Variants in TADA2A observed in about 807,000 individuals in gnomAD.
The protein encoded by TADA2A is transcriptional adaptor 2A, also known as transcriptional adapter 2-alpha.
In TADA2A, 38 loss-of-function variants were observed where a neutral mutation model predicts 67.4. That is an observed-to-expected ratio of 0.56 (90% CI 0.44 to 0.74). TADA2A has a LOEUF of 0.74. Among genes scored for constraint, TADA2A ranks in the 30% least tolerant of loss-of-function variants. The pLI is 0.00. For synonymous variants in TADA2A, 192 were observed against 181.6 expected (o/e 1.06, Z -0.46); for missense variants, 454 against 547.0 (o/e 0.83, Z 1.70).
chr17:37,440,441 T>G, intron 5 of TADA2A, 64 bp from the exon 6 acceptor site: 2 of 1,558,800 alleles, frequency 1.3e-6, no homozygotes, highest in South Asian at 1.2e-5. Flanking sequence ...AAAGAGCAAA[T>G]GATGCTTTTA....
chr17:37,411,580 A>G (rs1346313340), intron 2 of TADA2A, among the ~76,000 whole-genome samples, 190 bp downstream of exon 2: 2 of 151,836 alleles, frequency 1.3e-5, no homozygotes, highest in Non-Finnish European at 2.9e-5. Flanking sequence ...GCACCACCAC[A>G]CACAGCTAAT....
At position 37,467,532 on chromosome 17, in the gene TADA2A, A is replaced by G. The variant is rs374622419; in HGVS notation, c.895+7A>G. ...GGCATTACCAATTTTTGTAGTAAGT[A>G]TGCTTCAGCTACATACCGTACTTGA... On this transcript the variant is annotated splice_region_variant and intron_variant, in intron 12 of 15. Coordinates refer to ENST00000615182, the MANE Select transcript of TADA2A (RefSeq NM_001166105.3). 4.3e-6 allele frequency: 7 copies of G among 1,610,754 alleles called. No individual in the cohort carries two copies. The South Asian group carries it at 6.6e-5, about 15-fold the overall frequency.
intron 12 of TADA2A, among the ~76,000 whole-genome samples, chr17:37,469,722 C>G (rs530775419): frequency 2.0e-5 from 3 of 152,240 alleles, no homozygotes; most frequent in Admixed American, 6.5e-5. Flanking sequence ...TCTGGCAGTG[C>G]CCTTTCTCTT....
intron 2 of TADA2A, among the ~76,000 whole-genome samples, chr17:37,417,566 G>A (rs751876393): frequency 1.3e-5 from 2 of 151,574 alleles, no homozygotes; most frequent in Non-Finnish European, 2.9e-5. Flanking sequence ...ACATAGTCTC[G>A]CTCTGTTGCC....
chr17:37,421,398 G>A (rs2052227816), intron 2 of TADA2A, among the ~76,000 whole-genome samples: 1 of 140,564 alleles, frequency 7.1e-6, no homozygotes, highest in Admixed American at 7.1e-5. Flanking sequence ...GTCTCAAGAA[G>A]ACCCTGTCTC....
rs902386594 is a variant in TADA2A at position 37,421,870 on chromosome 17, G to GT, written c.26-1632dup. 2.8e-5 allele frequency among the ~76,000 whole-genome samples: 4 copies of GT among 145,406 alleles called. 1 individual carries two copies. The highest frequency in any genetic ancestry group is 1.0e-4 in the African/African-American group (4 of 39,520). On this transcript the variant is annotated intron_variant, in intron 2 of 15. Coordinates refer to ENST00000615182, the MANE Select transcript of TADA2A (RefSeq NM_001166105.3). ...AAGAACAGTACAATGATGATGATGT[G>GT]TTTTTTTATTTTTTTATTTTTTTTT...
chr17:37,445,780 G>A (rs1307596880), intron 8 of TADA2A, among the ~76,000 whole-genome samples: 2 of 151,240 alleles, frequency 1.3e-5, no homozygotes, highest in Non-Finnish European at 1.5e-5. Context: ...TTTTAGTTCA[G>A]AATTGAATAT....
rs529460969 is a variant in TADA2A, at chr17:37,416,777, A to G, written c.25+5387A>G. Among the ~76,000 whole-genome samples the G allele has an allele frequency of 2.0e-5, 3 of 151,866 alleles. No homozygotes were observed. The South Asian group carries it at 6.2e-4, about 32-fold the overall frequency. ...CTACTTGAGAGGCTGAGGCAGGAGA[A>G]TCACTTGAACCTGGGAGGCAGAAGT... On this transcript the variant is annotated intron_variant, in intron 2 of 15. Transcript: ENST00000615182.
At chr17:37,467,593 T>G in intron 12 of TADA2A, 68 bp downstream of exon 12, 5 of 1,299,810 alleles carry the variant, frequency 3.8e-6, no homozygotes, top group African/African-American at 1.5e-5. Flanking sequence ...AGGAAGTCTC[T>G]GAATTGTTGT....
At chr17:37,458,639 G>C (rs748505179) in intron 9 of TADA2A, 52 bp downstream of exon 9, 1 of 187,412 alleles carries the variant, frequency 5.3e-6, no homozygotes, top group Non-Finnish European at 7.0e-6. Context: ...TTATTGTTTT[G>C]TGTGTGTGTG....
At chr17:37,461,092 A>G (rs894559965) in intron 9 of TADA2A, among the ~76,000 whole-genome samples, 3 of 152,164 alleles carry the variant, frequency 2.0e-5, no homozygotes, top group African/African-American at 4.8e-5. Context: ...CTGTTTTTCC[A>G]TGGATGGCTG....
At chr17:37,435,391 C>T (rs57763345) in intron 4 of TADA2A, among the ~76,000 whole-genome samples, 30,996 of 152,030 alleles carry the variant, frequency 0.2, 3,552 homozygotes, top group East Asian at 0.54. Flanking sequence ...CGGGTTCACG[C>T]CATTCTCCTG....
At position 37,419,176 on chromosome 17, in the gene TADA2A, T is replaced by C. The variant is rs1257108394; in HGVS notation, c.26-4333T>C. 2.1e-5 allele frequency among the ~76,000 whole-genome samples: 3 copies of C among 146,212 alleles called. 1 individual carries two copies. In the Admixed American group the frequency reaches 2.1e-4, roughly 10 times the overall value. ...CTTACTTTTACAAAGTAATTGCTTT[T>C]TTTTTTCTTTTTGAGAGAGGGTCTT... On this transcript the variant is annotated intron_variant, in intron 2 of 15. Transcript: ENST00000615182.
chr17:37,423,296 T>A (rs1046836522), intron 2 of TADA2A, among the ~76,000 whole-genome samples: 10 of 152,304 alleles, frequency 6.6e-5, no homozygotes, highest in Middle Eastern at 6.8e-3. Context: ...GGTTCATATC[T>A]ACGTAAATGC....
chr17:37,439,223 T>A (rs1356336390), intron 5 of TADA2A, among the ~76,000 whole-genome samples: 1 of 151,984 alleles, frequency 6.6e-6, no homozygotes, highest in East Asian at 1.9e-4. Context: ...CTCCTCAGAC[T>A]CCCAAGTAGT....
intron 4 of TADA2A, 46 bp from the exon 5 acceptor site, chr17:37,437,692 A>T: frequency 1.9e-6 from 3 of 1,576,430 alleles, no homozygotes; most frequent in Non-Finnish European, 2.6e-6. Flanking sequence ...TGGCCCCTAG[A>T]TTCCATTTGT....
At chr17:37,427,137 T>A in intron 4 of TADA2A, 128 bp downstream of exon 4, 1 of 670,442 alleles carries the variant, frequency 1.5e-6, no homozygotes, top group Non-Finnish European at 2.3e-6. Flanking sequence ...AATCTCTGAG[T>A]ATCTTTACCT....
rs951416444 is a variant in TADA2A at position 37,479,482 on chromosome 17, G to T, written c.*2500G>T. The stretch of plus-strand genomic sequence containing the variant: ...TTATTTCTTTGGTATACCGAACTTT[G>T]CAAAGATACGTAGCATTGCATCCTT... On this transcript the variant is annotated 3_prime_UTR_variant, in exon 16 of 16. Coordinates refer to ENST00000615182, the MANE Select transcript of TADA2A (RefSeq NM_001166105.3). 17 of 152,136 alleles carry T rather than the reference G, an allele frequency of 1.1e-4. No individual in the cohort carries two copies. The highest frequency in any genetic ancestry group is 4.1e-4 in the African/African-American group (17 of 41,428). 9.4% of individuals were successfully genotyped at this position (152,136 alleles called of 1,614,324 possible).
intron 2 of TADA2A, among the ~76,000 whole-genome samples, chr17:37,420,676 A>G (rs2052205207): frequency 1.4e-5 from 2 of 146,152 alleles, no homozygotes; most frequent in South Asian, 4.5e-4. Context: ...TATAGGTTTG[A>G]GCCACCGTGC....
Sources: allele counts gnomAD v4.1 joint callset (sites outside exome capture counted in the v4.1 genomes callset), GRCh38; gene constraint gnomAD v4.1.1; transcripts MANE v1.5; gene names NCBI Gene and HGNC (gene_info 2026-07-23, HGNC 2026-07-21).